Variants in BASP1 observed in about 807,000 individuals in gnomAD.
BASP1 encodes the protein brain acid soluble protein 1.
BASP1 carries 1 observed loss-of-function variant against 2.2 expected under a neutral mutation model. The ratio of observed to expected loss-of-function variants is 0.46; its 90% CI spans 0.16 to 2.17. The LOEUF (loss-of-function observed/expected upper bound fraction) is 2.17, where lower values mean the gene tolerates loss of function less well. Among genes scored for constraint, BASP1 ranks in the 30% most tolerant of loss-of-function variants. BASP1 has a pLI of 0.27. For synonymous variants in BASP1, 187 were observed against 154.2 expected (o/e 1.21, Z -1.58); for missense variants, 352 against 327.2 (o/e 1.08, Z -0.58).
intron 1 of BASP1, among the ~76,000 whole-genome samples, chr5:17,219,670 A>C (rs1222687943): frequency 6.6e-6 from 1 of 152,156 alleles, no homozygotes; most frequent in Non-Finnish European, 1.5e-5. Flanking sequence ...CAGTGACACC[A>C]CCTGGGGAAA....
chr5:17,231,044 A>T (rs1739625740), intron 1 of BASP1, among the ~76,000 whole-genome samples: 1 of 152,208 alleles, frequency 6.6e-6, no homozygotes, highest in East Asian at 1.9e-4. Flanking sequence ...TAGATAAACA[A>T]ACCACTGGTC....
In BASP1 at chr5:17,236,782, G is replaced by A. The variant is rs1252732394; in HGVS notation, c.-10+18972G>A. On this transcript the variant is annotated intron_variant, in intron 1 of 1. Transcript: ENST00000322611. The surrounding 1 kb of genome is among the most constrained non-coding windows in gnomAD (Gnocchi z 4.0). Reference sequence around the variant, plus strand: ...GAGTGGTTCAAATATGGTGAGCAATGCACTCTTAACTAGACCCATATCTTA... The same window carrying A: ...GAGTGGTTCAAATATGGTGAGCAATACACTCTTAACTAGACCCATATCTTA... Among the ~76,000 whole-genome samples, 2 of 152,134 alleles carry A rather than the reference G, an allele frequency of 1.3e-5. No individual in the cohort carries two copies. Among genetic ancestry groups the A allele is most frequent in the African/African-American group, 2.4e-5 (1 of 41,426 alleles).
intron 1 of BASP1, among the ~76,000 whole-genome samples, chr5:17,265,675 T>C (rs915237765): frequency 1.3e-5 from 2 of 152,262 alleles, no homozygotes; most frequent in African/African-American, 4.8e-5. Context: ...CTTGCTCTCC[T>C]ATATCCAAAC....
chr5:17,237,978 C>T (rs541774254), intron 1 of BASP1, among the ~76,000 whole-genome samples: 28 of 152,230 alleles, frequency 1.8e-4, no homozygotes, highest in African/African-American at 6.7e-4. Context: ...GTATGAAACA[C>T]AACGTATGTT....
intron 1 of BASP1, among the ~76,000 whole-genome samples, chr5:17,266,891 A>G (rs1421490697): frequency 1.3e-5 from 2 of 151,904 alleles, no homozygotes; most frequent in Non-Finnish European, 2.9e-5. Flanking sequence ...AATCTTTCAA[A>G]ATGTTGCCTG....
chr5:17,257,320 A>G (rs942135583), intron 1 of BASP1, among the ~76,000 whole-genome samples: 1 of 62,910 alleles, frequency 1.6e-5, no homozygotes, highest in African/African-American at 9.0e-5. Flanking sequence ...ATTAAAAAAC[A>G]AAACAAAAAG....
At chr5:17,269,578 T>C (rs929682715) in intron 1 of BASP1, among the ~76,000 whole-genome samples, 1 of 152,224 alleles carries the variant, frequency 6.6e-6, no homozygotes, top group African/African-American at 2.4e-5. Context: ...TCACATTTCT[T>C]CCAGAATAGC....
At chr5:17,228,297 C>T (rs779483491) in intron 1 of BASP1, among the ~76,000 whole-genome samples, 27 of 152,190 alleles carry the variant, frequency 1.8e-4, no homozygotes, top group African/African-American at 5.5e-4. Context: ...AGGGGGTCAT[C>T]GTAAGAGAAC....
intron 1 of BASP1, among the ~76,000 whole-genome samples, chr5:17,227,143 C>A (rs1419589123): frequency 6.6e-6 from 1 of 151,748 alleles, no homozygotes; most frequent in Non-Finnish European, 1.5e-5. Flanking sequence ...GTTGGTCAGG[C>A]TGGTCTTGAA....
At chr5:17,243,584 C>A (rs2126502331) in intron 1 of BASP1, among the ~76,000 whole-genome samples, 1 of 152,332 alleles carries the variant, frequency 6.6e-6, no homozygotes, top group Non-Finnish European at 1.5e-5. Context: ...GTTGGCTGTT[C>A]CTGCCATTCT....
intron 1 of BASP1, among the ~76,000 whole-genome samples, chr5:17,239,414 C>G (rs181832095): frequency 6.6e-6 from 1 of 152,250 alleles, no homozygotes; most frequent in Non-Finnish European, 1.5e-5. Flanking sequence ...TAAAGAAAGC[C>G]TTGGCAAATG....
intron 1 of BASP1, among the ~76,000 whole-genome samples, chr5:17,226,628 G>A (rs1375024508): frequency 6.6e-6 from 1 of 152,232 alleles, no homozygotes; most frequent in Non-Finnish European, 1.5e-5. Context: ...CTTGGAAACT[G>A]TAGAGGCTGT....
chr5:17,251,704 G>A lies in BASP1; in HGVS notation c.-9-23504G>A, dbSNP rs1001429824. ...CATAAGCATTGGATGTGAGGGTAGCGGTGGTGGTGGTGAAAGTTGGTCCAG... is the reference window on the plus strand; with the variant it reads ...CATAAGCATTGGATGTGAGGGTAGCAGTGGTGGTGGTGAAAGTTGGTCCAG... On this transcript the variant is annotated intron_variant, in intron 1 of 1. Transcript: ENST00000322611. The surrounding 1 kb of genome is among the most constrained non-coding windows in gnomAD (Gnocchi z 4.0). Among the ~76,000 whole-genome samples, 7 of 152,202 alleles carry A rather than the reference G, an allele frequency of 4.6e-5. No homozygotes were observed. Among genetic ancestry groups the A allele is most frequent in the Non-Finnish European group, 8.8e-5 (6 of 68,040 alleles).
intron 1 of BASP1, among the ~76,000 whole-genome samples, chr5:17,250,107 AATTTTTGT>A (rs2126506779): frequency 6.6e-6 from 1 of 152,050 alleles, no homozygotes; most frequent in East Asian, 1.9e-4. Flanking sequence ...ACGCCCAGCT[AATTTTTGT>A]ATGTTTTTTT....
chr5:17,256,743 G>A (rs1360265697), intron 1 of BASP1, among the ~76,000 whole-genome samples: 1 of 152,146 alleles, frequency 6.6e-6, no homozygotes, highest in Non-Finnish European at 1.5e-5. Flanking sequence ...CTTTTCTAAG[G>A]AGAGTGATTC....
chr5:17,230,656 C>T (rs543176605), intron 1 of BASP1, among the ~76,000 whole-genome samples: 237 of 152,098 alleles, frequency 1.6e-3, no homozygotes, highest in East Asian at 7.9e-3. Context: ...CTCCGCCTCC[C>T]GAGTTCAAGC....
intron 1 of BASP1, among the ~76,000 whole-genome samples, chr5:17,253,168 A>G (rs903485171): frequency 1.3e-5 from 2 of 152,148 alleles, no homozygotes; most frequent in African/African-American, 4.8e-5. Flanking sequence ...ATATTTAGTT[A>G]CTTTAAAAAG....
chr5:17,264,488 A>C (rs1268189384), intron 1 of BASP1, among the ~76,000 whole-genome samples: 1 of 152,196 alleles, frequency 6.6e-6, no homozygotes, highest in Non-Finnish European at 1.5e-5. Context: ...TGCAGCTCTG[A>C]ATTAGTAGAT....
chr5:17,218,304 G>GAGAA (rs1205652412), intron 1 of BASP1, among the ~76,000 whole-genome samples: 4 of 151,682 alleles, frequency 2.6e-5, no homozygotes, highest in Non-Finnish European at 5.9e-5. Flanking sequence ...GGAGTCCGGG[G>GAGAA]AGAAAGAAGA....
Sources: gnomAD v4.1 joint callset for allele counts (sites outside exome capture counted in the v4.1 genomes callset) on GRCh38, gnomAD v4.1.1 for gene constraint, Gnocchi (gnomAD v3.1) non-coding constraint, MANE v1.5 for transcripts, NCBI Gene and HGNC (gene_info 2026-07-23, HGNC 2026-07-21) for gene names.